The following QTMAN variants were observed in gnomAD, a reference collection of about 807,000 sequenced individuals.
QTMAN encodes queuosine-tRNA mannosyltransferase.
At chr2:143,981,596 T>C in the QTMAN span, among the ~76,000 whole-genome samples, 1 of 152,160 alleles carries the variant, frequency 6.6e-6, no homozygotes, top group Non-Finnish European at 1.5e-5. Context: ...CCCTCCAACG[T>C]AAAGAAAAAT....
chr2:144,058,427 T>C, the QTMAN span, among the ~76,000 whole-genome samples: 1 of 152,136 alleles, frequency 6.6e-6, no homozygotes, highest in Non-Finnish European at 1.5e-5. Flanking sequence ...GTACTGCCTT[T>C]TTCTTAACCC....
At chr2:144,038,186 A>T in the QTMAN span, among the ~76,000 whole-genome samples, 4 of 152,198 alleles carry the variant, frequency 2.6e-5, no homozygotes, top group Admixed American at 2.6e-4. Context: ...ATAATCATTC[A>T]TTGCTGTGAA....
At chr2:144,050,067 A>G in the QTMAN span, among the ~76,000 whole-genome samples, 1 of 152,214 alleles carries the variant, frequency 6.6e-6, no homozygotes, top group Non-Finnish European at 1.5e-5. Context: ...TTATCAAATA[A>G]TAATACCTAG....
the QTMAN span, among the ~76,000 whole-genome samples, chr2:143,975,018 G>A: frequency 6.6e-6 from 1 of 151,828 alleles, no homozygotes; most frequent in African/African-American, 2.4e-5. Context: ...GTCTGGCTGG[G>A]AATTCATTCC....
chr2:144,122,183 C>T, the QTMAN span, among the ~76,000 whole-genome samples: 1 of 151,998 alleles, frequency 6.6e-6, no homozygotes. Flanking sequence ...CTTCTAATTC[C>T]ATTTAGCTTG....
At chr2:143,951,727 G>A in the QTMAN span, among the ~76,000 whole-genome samples, 4 of 151,422 alleles carry the variant, frequency 2.6e-5, no homozygotes, top group African/African-American at 4.8e-5. Context: ...GGGGCTAAAT[G>A]TAAAGGACAG....
At chr2:144,122,631 C>CA in the QTMAN span, among the ~76,000 whole-genome samples, 1 of 152,088 alleles carries the variant, frequency 6.6e-6, no homozygotes, top group South Asian at 2.1e-4. Context: ...CACAACCCTC[C>CA]AAAAAACTCT....
the QTMAN span, chr2:144,005,846 C>G: frequency 6.6e-6 from 1 of 152,022 alleles, no homozygotes; most frequent in African/African-American, 2.4e-5. Flanking sequence ...CTCCATATTG[C>G]TGTTTTGTAA....
At chr2:144,231,875 T>C in the QTMAN span, among the ~76,000 whole-genome samples, 1 of 150,800 alleles carries the variant, frequency 6.6e-6, no homozygotes, top group African/African-American at 2.4e-5. Context: ...TGTGTGTGTG[T>C]GTGTGTGTGT....
At chr2:144,055,344 C>G in the QTMAN span, among the ~76,000 whole-genome samples, 7 of 150,928 alleles carry the variant, frequency 4.6e-5, no homozygotes, top group African/African-American at 9.8e-5. Flanking sequence ...GACACACACA[C>G]ACACACACAC....
chr2:144,141,868 T>C, the QTMAN span: 1 of 1,573,790 alleles, frequency 6.4e-7, no homozygotes, highest in African/African-American at 1.4e-5. Flanking sequence ...GAGAACAGAG[T>C]CAAACATACT....
the QTMAN span, among the ~76,000 whole-genome samples, chr2:144,205,840 C>T: frequency 6.6e-6 from 1 of 152,288 alleles, no homozygotes; most frequent in Non-Finnish European, 1.5e-5. Flanking sequence ...AAAGTTAATG[C>T]CTTCCCTCAA....
the QTMAN span, among the ~76,000 whole-genome samples, chr2:144,094,951 T>C: frequency 6.6e-6 from 1 of 152,202 alleles, no homozygotes. Flanking sequence ...CACATCTTAT[T>C]CACTTTGTAA....
chr2:143,990,783 A>C, the QTMAN span, among the ~76,000 whole-genome samples: 5 of 152,224 alleles, frequency 3.3e-5, no homozygotes, highest in African/African-American at 1.2e-4. Context: ...CCATAAGCAA[A>C]GAGAAACAAG....
At chr2:144,327,848 C>T in the QTMAN span, among the ~76,000 whole-genome samples, 1 of 152,084 alleles carries the variant, frequency 6.6e-6, no homozygotes, top group South Asian at 2.1e-4. Flanking sequence ...TCCAGTTCCA[C>T]AAAGGACCTG....
chr2:144,019,565 A>G, the QTMAN span, among the ~76,000 whole-genome samples: 6 of 151,940 alleles, frequency 3.9e-5, no homozygotes, highest in Non-Finnish European at 8.8e-5. Flanking sequence ...AGGTTCCTCT[A>G]TATAGAGGTA....
chr2:144,308,162 GTTTTTTTTTTT>G, the QTMAN span, among the ~76,000 whole-genome samples: 1 of 110,838 alleles, frequency 9.0e-6, no homozygotes. Flanking sequence ...ATGATTGGTT[GTTTTTTTTTTT>G]TTTTTTTTTT....
At chr2:144,111,262 T>C in the QTMAN span, among the ~76,000 whole-genome samples, 1 of 152,164 alleles carries the variant, frequency 6.6e-6, no homozygotes, top group Non-Finnish European at 1.5e-5. Flanking sequence ...CTAGAGCATG[T>C]CCATGAGAAG....
chr2:144,137,898 C>T, the QTMAN span, among the ~76,000 whole-genome samples: 1 of 152,104 alleles, frequency 6.6e-6, no homozygotes, highest in Non-Finnish European at 1.5e-5. Context: ...GCTTTTTAGT[C>T]ATCACTTTAC....
Sources: gnomAD v4.1 joint callset for allele counts (sites outside exome capture counted in the v4.1 genomes callset) on GRCh38, gnomAD v4.1.1 for gene constraint, MANE v1.5 for transcripts, NCBI Gene and HGNC (gene_info 2026-07-23, HGNC 2026-07-21) for gene names.